Variants in HELLS observed in about 807,000 individuals in gnomAD.
HELLS encodes the protein lymphoid-specific helicase.
A neutral mutation model predicts 120.0 loss-of-function variants in HELLS; 32 were observed. That is an observed-to-expected ratio of 0.27 (90% CI 0.20 to 0.36). HELLS has a LOEUF of 0.36. Among genes scored for constraint, HELLS ranks in the 10% least tolerant of loss-of-function variants. HELLS has a pLI of 1.00. For synonymous variants in HELLS, 341 were observed against 323.4 expected (o/e 1.05, Z -0.58); for missense variants, 650 against 993.4 (o/e 0.65, Z 4.65).
intron 2 of HELLS, among the ~76,000 whole-genome samples, chr10:94,552,753 CTT>C (rs1361128644): frequency 1.3e-5 from 2 of 151,692 alleles, no homozygotes; most frequent in Non-Finnish European, 2.9e-5. Flanking sequence ...AGACGAATCT[CTT>C]GAGTTTAGGA....
intron 2 of HELLS, among the ~76,000 whole-genome samples, chr10:94,546,700 T>G (rs1842768478): frequency 6.6e-6 from 1 of 152,244 alleles, no homozygotes; most frequent in African/African-American, 2.4e-5. Flanking sequence ...ATGGTGTGTT[T>G]CTATGAGATG....
chr10:94,583,820 T>C (rs949867592), intron 12 of HELLS, among the ~76,000 whole-genome samples: 6 of 152,152 alleles, frequency 3.9e-5, no homozygotes, highest in Non-Finnish European at 5.9e-5. Context: ...TTTTACTACA[T>C]GTAGATTTAA....
chr10:94,557,177 A>T (rs1313013306), intron 3 of HELLS: 3 of 431,420 alleles, frequency 7.0e-6, no homozygotes, highest in Admixed American at 5.0e-5. Flanking sequence ...TCTTTCCACT[A>T]GACTGTTATG....
chr10:94,604,961 C>G (rs1193420723), downstream of HELLS, among the ~76,000 whole-genome samples: 1 of 151,080 alleles, frequency 6.6e-6, no homozygotes, highest in East Asian at 1.9e-4. Flanking sequence ...GAACATTCTT[C>G]TAGTTTGGAC....
At chr10:94,560,926 G>C (rs1843525571) in intron 4 of HELLS, among the ~76,000 whole-genome samples, 1 of 151,716 alleles carries the variant, frequency 6.6e-6, no homozygotes. Context: ...CATGATGGCG[G>C]GTACCTGTAA....
chr10:94,550,150 C>T lies in HELLS; in HGVS notation c.153+3652C>T, dbSNP rs185920070. 1.3e-4 allele frequency among the ~76,000 whole-genome samples: 19 copies of T among 151,992 alleles called. No individual in the cohort carries two copies. In the East Asian group the frequency reaches 3.7e-3, roughly 29 times the overall value. On this transcript the variant is annotated intron_variant, in intron 2 of 21. Transcript: ENST00000348459. ...GGTCAGGCTGGTCTCGAACTCCCAACCTCAGGTGATCCGCCCGTCTTGACC... is the reference window on the plus strand; with the variant it reads ...GGTCAGGCTGGTCTCGAACTCCCAATCTCAGGTGATCCGCCCGTCTTGACC...
chr10:94,592,231 C>A lies in HELLS; in HGVS notation c.1770C>A (p.Ile590=), dbSNP rs147829794. The change falls in exon 16 of 22, where the codon ATC becomes ATA. Residue 590 remains isoleucine (I), a splice_region_variant and synonymous_variant. Transcript: ENST00000348459. ...TTCTTCCTTTGCCCCTCCTTAAGATCGATGAAGAATTGGTAACAAATTCTG... is the reference window on the plus strand; with the variant it reads ...TTCTTCCTTTGCCCCTCCTTAAGATAGATGAAGAATTGGTAACAAATTCTG... ...PIDPVTQEFK[I]DEELVTNSGK... 3 of 1,604,896 alleles carry A rather than the reference C, an allele frequency of 1.9e-6. No homozygotes were observed. The highest frequency in any genetic ancestry group is 2.6e-6 in the Non-Finnish European group (3 of 1,174,518).
chr10:94,555,949 C>G (rs1843238915), intron 3 of HELLS, among the ~76,000 whole-genome samples: 1 of 152,128 alleles, frequency 6.6e-6, no homozygotes, highest in Admixed American at 6.6e-5. Flanking sequence ...TATAATAAAC[C>G]AATAAACTTT....
chr10:94,606,963 C>T (rs902885436), downstream of HELLS, among the ~76,000 whole-genome samples: 5 of 152,286 alleles, frequency 3.3e-5, no homozygotes, highest in Admixed American at 3.3e-4. Context: ...ATTCTCTAAT[C>T]ACTTGTCCTG....
In HELLS at chr10:94,548,076, G is replaced by A. The variant is rs542949192; in HGVS notation, c.153+1578G>A. ...AATTTACCATGACCAAATAAGTAAT[G>A]ATAAATACTTCATACTACTTTTTGA... On this transcript the variant is annotated intron_variant, in intron 2 of 21. Transcript: ENST00000348459. Among the ~76,000 whole-genome samples, 16 of 152,248 alleles carry A rather than the reference G, an allele frequency of 1.1e-4. No homozygotes were observed. In the South Asian group the frequency reaches 3.3e-3, roughly 32 times the overall value.
chr10:94,547,468 A>T (rs936470180), intron 2 of HELLS, among the ~76,000 whole-genome samples: 3 of 152,208 alleles, frequency 2.0e-5, no homozygotes, highest in Admixed American at 6.5e-5. Context: ...AAAAACGAGT[A>T]ATGAGGCCGT....
chr10:94,569,038 C>T (rs1843988537), intron 6 of HELLS, among the ~76,000 whole-genome samples: 1 of 152,092 alleles, frequency 6.6e-6, no homozygotes, highest in Non-Finnish European at 1.5e-5. Flanking sequence ...TGGGGTTTCT[C>T]CATGTTGGTC....
At chr10:94,555,888 A>G (rs965793537) in intron 3 of HELLS, among the ~76,000 whole-genome samples, 6 of 152,184 alleles carry the variant, frequency 3.9e-5, no homozygotes, top group African/African-American at 1.4e-4. Context: ...TGGCCTCCCA[A>G]AGTGCTGGGA....
intron 6 of HELLS, among the ~76,000 whole-genome samples, chr10:94,567,606 C>T (rs1380945953): frequency 6.6e-6 from 1 of 152,084 alleles, no homozygotes; most frequent in Non-Finnish European, 1.5e-5. Flanking sequence ...TATTTCCAAG[C>T]TTTTTAAGAG....
At chr10:94,556,279 G>A (rs1161145351) in intron 3 of HELLS, among the ~76,000 whole-genome samples, 1 of 152,204 alleles carries the variant, frequency 6.6e-6, no homozygotes, top group Non-Finnish European at 1.5e-5. Context: ...TGTGTTGATT[G>A]TTGAGTGTGT....
Position 94,613,868 on chromosome 10 carries a change from A to G in HELLS, c.*4017A>G, listed in dbSNP as rs571372666. 1.8e-4 allele frequency: 28 copies of G among 152,246 alleles called. No homozygotes were observed. The East Asian group carries it at 2.5e-3, about 14-fold the overall frequency. The allele number at this position is 152,246 out of a possible 1,614,324, so 9.4% of individuals were successfully genotyped here. Reference sequence around the variant, plus strand: ...TTATTGAGGGTAAATTTCTCTATATATGTTTTCCTGTTTAATAAATATGTA... The same window carrying G: ...TTATTGAGGGTAAATTTCTCTATATGTGTTTTCCTGTTTAATAAATATGTA... On this transcript the variant is annotated 3_prime_UTR_variant, in exon 10 of 10. Coordinates refer to the HELLS transcript ENST00000371327.
chr10:94,601,466 T>A (rs1846027470), intron 21 of HELLS, 62 bp from the exon 22 acceptor site: 1 of 904,244 alleles, frequency 1.1e-6, no homozygotes, highest in African/African-American at 1.7e-5. Flanking sequence ...ATTGGATGTT[T>A]CTTTTACGAT....
intron 21 of HELLS, among the ~76,000 whole-genome samples, chr10:94,601,040 A>C (rs1846011963): frequency 6.6e-6 from 1 of 152,200 alleles, no homozygotes; most frequent in Non-Finnish European, 1.5e-5. Context: ...CAGTAATACA[A>C]ATGAAAATCA....
At chr10:94,559,432 A>AT (rs1554828828) in intron 4 of HELLS, among the ~76,000 whole-genome samples, 1 of 151,526 alleles carries the variant, frequency 6.6e-6, no homozygotes, top group Non-Finnish European at 1.5e-5. Context: ...ATATTTATTT[A>AT]TTTATTTTAT....
Sources: allele counts gnomAD v4.1 joint callset (sites outside exome capture counted in the v4.1 genomes callset), GRCh38; gene constraint gnomAD v4.1.1; transcripts MANE v1.5; gene names NCBI Gene and HGNC (gene_info 2026-07-23, HGNC 2026-07-21).